The following ARSF variants were observed in gnomAD, a reference collection of about 807,000 sequenced individuals.
ARSF encodes arylsulfatase F.
ARSF carries 33 observed loss-of-function variants against 35.4 expected under a neutral mutation model. The ratio of observed to expected loss-of-function variants is 0.93; its 90% CI spans 0.71 to 1.25. The LOEUF (loss-of-function observed/expected upper bound fraction) is 1.25, where lower values mean the gene tolerates loss of function less well. ARSF is among the 50% of genes most tolerant of loss of function. The pLI is 0.00. For missense variants in ARSF, 501 were observed against 480.2 expected (o/e 1.04, Z -0.40); for synonymous variants, 222 against 193.1 (o/e 1.15, Z -1.24).
rs1490869429 is a variant in ARSF, at chrX:3,107,225, T to A, written c.1266-2903T>A. Among the ~76,000 whole-genome samples, 5 of 111,408 alleles carry A rather than the reference T, an allele frequency of 4.5e-5. No individual in the cohort carries two copies. The Admixed American group carries it at 4.8e-4, about 11-fold the overall frequency. ...AACATAGGAGAAAATCATTGTAATA[T>A]TCAGATAAGAAAATAATTTTTTTAG... On this transcript the variant is annotated intron_variant, in intron 9 of 10. Coordinates refer to ENST00000381127, the MANE Select transcript of ARSF (RefSeq NM_001201539.2).
chrX:3,094,749 C>A (rs367848195), intron 7 of ARSF, among the ~76,000 whole-genome samples: 32 of 110,278 alleles, frequency 2.9e-4, no homozygotes, highest in African/African-American at 9.5e-4. Context: ...TGGGCAGCAA[C>A]CCTGGACAGG....
At chrX:3,065,356 C>T (rs965103235) in intron 1 of ARSF, among the ~76,000 whole-genome samples, 1 of 108,800 alleles carries the variant, frequency 9.2e-6, no homozygotes, top group Non-Finnish European at 1.9e-5. Context: ...ATGGATGCAG[C>T]GGGCCAGCAT....
chrX:3,040,518 T>C (rs1262667235), upstream of ARSF, among the ~76,000 whole-genome samples: 1 of 111,650 alleles, frequency 9.0e-6, no homozygotes, highest in Non-Finnish European at 1.9e-5. Context: ...CCCAAATTAA[T>C]GTCGATTGGC....
intron 1 of ARSF, among the ~76,000 whole-genome samples, chrX:3,052,571 G>A (rs1158960864): frequency 1.8e-5 from 2 of 110,258 alleles, no homozygotes; most frequent in Non-Finnish European, 3.8e-5. Context: ...AGTCACATCT[G>A]TAATCACAAT....
chrX:3,057,551 C>T (rs2090024045), intron 1 of ARSF, among the ~76,000 whole-genome samples: 2 of 111,630 alleles, frequency 1.8e-5, no homozygotes, highest in Admixed American at 1.9e-4. Context: ...ACAGATAACA[C>T]GCCAATCCTG....
At chrX:3,072,762 TATAA>T (rs1289922122) in intron 3 of ARSF, among the ~76,000 whole-genome samples, 1 of 108,755 alleles carries the variant, frequency 9.2e-6, no homozygotes, top group African/African-American at 3.3e-5. Flanking sequence ...GATATGAACA[TATAA>T]ATGTCATTAT....
At chrX:3,094,410 A>G (rs1300371003) in intron 7 of ARSF, among the ~76,000 whole-genome samples, 1 of 111,935 alleles carries the variant, frequency 8.9e-6, no homozygotes, top group Non-Finnish European at 1.9e-5. Flanking sequence ...GAAAAACTCC[A>G]AAAACTTCCC....
intron 1 of ARSF, among the ~76,000 whole-genome samples, chrX:3,045,853 GC>G (rs200820374): frequency 0.016 from 1,780 of 109,373 alleles, 23 homozygotes; most frequent in Middle Eastern, 0.034. Flanking sequence ...CCTGGCTAGT[GC>G]CATGTCGCCT....
chrX:3,062,932 G>A (rs1278948756), intron 1 of ARSF, among the ~76,000 whole-genome samples: 5 of 111,665 alleles, frequency 4.5e-5, no homozygotes, highest in African/African-American at 1.6e-4. Context: ...GAAAAAGAGG[G>A]AATCCTCCCT....
intron 2 of ARSF, among the ~76,000 whole-genome samples, chrX:3,068,814 G>A (rs189994463): frequency 4.5e-5 from 5 of 111,810 alleles, no homozygotes; most frequent in East Asian, 2.8e-4. Context: ...CTATAACTTC[G>A]GGGATTTGGC....
chrX:3,048,955 C>G (rs1450052170), intron 1 of ARSF, among the ~76,000 whole-genome samples: 1 of 112,395 alleles, frequency 8.9e-6, no homozygotes, highest in Admixed American at 9.5e-5. Flanking sequence ...TTTGAGAAAC[C>G]TTATCAAATT....
intron 2 of ARSF, among the ~76,000 whole-genome samples, chrX:3,071,285 G>C (rs2090101873): frequency 9.1e-6 from 1 of 110,360 alleles, no homozygotes; most frequent in Admixed American, 9.7e-5. Context: ...GCGTGTGCAA[G>C]TGTCTTTTGT....
In ARSF at chrX:3,101,274, GT is replaced by G. The variant is rs2090375054; in HGVS notation, c.1102+55del. 4 of 1,159,870 alleles carry G rather than the reference GT, an allele frequency of 3.4e-6. No individual in the cohort carries two copies. In the East Asian group the frequency reaches 1.2e-4, roughly 35 times the overall value. ...CTGGTGGTGAATAAGCTTTTTTGTG[GT>G]TCTTATAATTAAAGCCCATGACACA... On this transcript the variant is annotated intron_variant, in intron 8 of 10. Transcript: ENST00000381127.
At chrX:3,093,047 T>C (rs917463594) in intron 7 of ARSF, among the ~76,000 whole-genome samples, 229 of 109,481 alleles carry the variant, frequency 2.1e-3, no homozygotes, top group Non-Finnish European at 3.6e-3. Context: ...GCGTCTGTAG[T>C]CCCAGCTACT....
chrX:3,093,044 T>A (rs1019910840), intron 7 of ARSF, among the ~76,000 whole-genome samples: 2 of 108,956 alleles, frequency 1.8e-5, no homozygotes, highest in Non-Finnish European at 3.8e-5. Context: ...CGGGCGTCTG[T>A]AGTCCCAGCT....
intron 6 of ARSF, among the ~76,000 whole-genome samples, chrX:3,089,288 A>G (rs1461270599): frequency 9.0e-6 from 1 of 111,361 alleles, no homozygotes; most frequent in Admixed American, 9.6e-5. Context: ...TGGTTTCAGT[A>G]GCATTACCAA....
chrX:3,052,581 T>C lies in ARSF; in HGVS notation c.-29+10918T>C, dbSNP rs191707010. ...CGGTCAGTCACATCTGTAATCACAA[T>C]ACGTTGGGAGGCTGAGGCAGGAGGA... On this transcript the variant is annotated intron_variant, in intron 1 of 10. Coordinates refer to ENST00000381127, the MANE Select transcript of ARSF (RefSeq NM_001201539.2). 1.8e-3 allele frequency among the ~76,000 whole-genome samples: 198 copies of C among 109,184 alleles called. 2 individuals are homozygous for C. The highest frequency in any genetic ancestry group is 6.0e-3 in the African/African-American group (181 of 29,999). 94.8% of individuals were successfully genotyped at this position (109,184 alleles called of 115,157 possible).
At chrX:3,050,546 CAAAAA>C (rs572650651) in intron 1 of ARSF, among the ~76,000 whole-genome samples, 1 of 53,260 alleles carries the variant, frequency 1.9e-5, no homozygotes, top group Admixed American at 2.3e-4. Context: ...AACTCTGTCT[CAAAAA>C]AAAAAAAAAA....
Position 3,103,815 on chromosome X carries a change from C to T in ARSF, c.1156C>T (p.Arg386Ter), listed in dbSNP as rs199811641. 9.9e-6 allele frequency: 12 copies of T among 1,209,773 alleles called. No individual in the cohort carries two copies. Among genetic ancestry groups the T allele is most frequent in the South Asian group, 5.3e-5 (3 of 56,776 alleles). ...EGGIRVPGIV[R>*]WPGKVPAGRL... ...TGGAATCCGCGTCCCAGGAATTGTC[C>T]GATGGCCTGGAAAGGTACCAGCTGG... Residue 386 changes from arginine to a stop codon, truncating the protein, a stop_gained, in exon 9 of 11, where the codon CGA becomes TGA. Coordinates refer to ENST00000381127, the MANE Select transcript of ARSF (RefSeq NM_001201539.2). LOFTEE classifies it high-confidence loss of function.
Sources: allele counts gnomAD v4.1 joint callset (sites outside exome capture counted in the v4.1 genomes callset), GRCh38; gene constraint gnomAD v4.1.1; transcripts MANE v1.5; gene names NCBI Gene and HGNC (gene_info 2026-07-23, HGNC 2026-07-21).